SFTPC: variants seen among roughly 807,000 people sequenced by gnomAD.
SFTPC encodes BRICHOS domain containing 6.
SFTPC carries 12 observed loss-of-function variants against 19.9 expected under a neutral mutation model. The ratio of observed to expected loss-of-function variants is 0.60; its 90% CI spans 0.39 to 0.98. SFTPC has a LOEUF of 0.98. Ranked by LOEUF, SFTPC falls within the 50% of genes least tolerant of loss-of-function variation. The probability of loss-of-function intolerance (pLI) is 0.00; values close to 1 mark genes in which losing one functional copy is unlikely to be tolerated. For synonymous variants in SFTPC, 123 were observed against 103.3 expected, an observed-to-expected ratio of 1.19 and a Z score of -1.16; for missense variants, 219 against 252.2, an observed-to-expected ratio of 0.87 and a Z score of 0.89.
chr8:22,163,238 T>C (rs1475491465), intron 3 of SFTPC, 36 bp downstream of exon 3: 2 of 1,614,008 alleles, frequency 1.2e-6, no homozygotes, highest in Admixed American at 1.7e-5. Flanking sequence ...CTGGGACCAA[T>C]GACAAGGCTC....
In SFTPC at chr8:22,163,921, G is replaced by C. The variant is rs373783536; in HGVS notation, c.456G>C (p.Thr152=). 1.2e-6 allele frequency: 2 copies of C among 1,613,940 alleles called. No homozygotes were observed. The highest frequency in any genetic ancestry group is 1.3e-5 in the African/African-American group (1 of 75,084). Residue 152 remains threonine (T), a synonymous_variant, in exon 5 of 6, where the codon ACG becomes ACC. Coordinates refer to ENST00000679463, the MANE Select transcript of SFTPC (RefSeq NM_001317778.2). ...HNFQAKPAVP[T]SKLGQAEGRD... ...TGCAGGCCAAGCCCGCAGTGCCTAC[G>C]TCTAAGCTGGGCCAGGCAGAGGGGC...
upstream of SFTPC, among the ~76,000 whole-genome samples, chr8:22,160,443 T>A (rs1827670193): frequency 6.6e-6 from 1 of 152,126 alleles, no homozygotes; most frequent in Non-Finnish European, 1.5e-5. Flanking sequence ...AAAACTCATC[T>A]CTATAAAACA....
chr8:22,162,633 A>T lies in SFTPC; in HGVS notation c.102A>T (p.Lys34Asn). The T allele has an allele frequency of 1.2e-6, 2 of 1,614,140 alleles. No homozygotes were observed. Among genetic ancestry groups the T allele is most frequent in the Non-Finnish European group, 1.7e-6 (2 of 1,180,008 alleles). The change falls in exon 2 of 6, where the codon AAA (lysine) becomes AAT (asparagine). Residue 34 changes from lysine (K) to asparagine (N), a missense_variant. Coordinates refer to ENST00000679463, the MANE Select transcript of SFTPC (RefSeq NM_001317778.2). ...FGIPCCPVHLKRLLIVVVVVV... is the reference protein window; with the variant it reads ...FGIPCCPVHLNRLLIVVVVVV... ...TTCCCTGCTGCCCAGTGCACCTGAA[A>T]CGCCTTCTTATCGTGGTGGTGGTGG... is the stretch of plus-strand genomic sequence containing the variant.
upstream of SFTPC, among the ~76,000 whole-genome samples, chr8:22,160,660 G>A (rs998117399): frequency 1.9e-4 from 29 of 152,098 alleles, 1 homozygote; most frequent in Non-Finnish European, 2.2e-4. Flanking sequence ...TTAAGGGAGC[G>A]AGCCCAGGCC....
intron 1 of SFTPC, 55 bp from the exon 2 acceptor site, chr8:22,162,519 G>A (rs1827782430): frequency 6.3e-7 from 1 of 1,595,698 alleles, no homozygotes; most frequent in Non-Finnish European, 8.6e-7. Flanking sequence ...ATAGGGAGAA[G>A]AGGGGACAGC....
At chr8:22,161,792 G>A, upstream of SFTPC, 3 of 1,614,046 alleles carry the variant, frequency 1.9e-6, no homozygotes, top group Non-Finnish European at 1.7e-6. Flanking sequence ...GTCACACCTG[G>A]GAGAGGAGGA....
At chr8:22,161,482 G>C (rs148549260), upstream of SFTPC, among the ~76,000 whole-genome samples, 1 of 152,164 alleles carries the variant, frequency 6.6e-6, no homozygotes, top group South Asian at 2.1e-4. Context: ...GAAAGCCACA[G>C]GGCAGCAGGG....
Position 22,164,278 on chromosome 8 carries a change from C to G in SFTPC, c.*31C>G, listed in dbSNP as rs1214855842. ...CTTTGCTTCACAGGGTCAGTGGAAG[C>G]CCCAACGGGAAAGGAAACGCCCCGG... is the stretch of plus-strand genomic sequence containing the variant. On this transcript the variant is annotated 3_prime_UTR_variant, in exon 6 of 6. Transcript: ENST00000679463. 3.9e-6 allele frequency: 6 copies of G among 1,536,090 alleles called. No homozygotes were observed. Among genetic ancestry groups the G allele is most frequent in the Non-Finnish European group, 5.2e-6 (6 of 1,146,912 alleles).
upstream of SFTPC, chr8:22,159,912 C>T (rs1827647008): frequency 3.5e-6 from 4 of 1,135,228 alleles, no homozygotes; most frequent in Non-Finnish European, 4.7e-6. Flanking sequence ...GAGTAAGGGC[C>T]CTGGGGGAGG....
upstream of SFTPC, chr8:22,161,795 G>T (rs756372282): frequency 1.2e-6 from 2 of 1,614,072 alleles, no homozygotes; most frequent in Non-Finnish European, 1.7e-6. Context: ...ACACCTGGGA[G>T]AGGAGGAGAG....
upstream of SFTPC, chr8:22,161,704 C>T: frequency 6.2e-7 from 1 of 1,608,862 alleles, no homozygotes; most frequent in Non-Finnish European, 8.5e-7. Flanking sequence ...GGCTTCAAAG[C>T]CAAGGGCTTG....
upstream of SFTPC, chr8:22,161,539 T>G: frequency 3.1e-6 from 2 of 645,042 alleles, no homozygotes; most frequent in Non-Finnish European, 5.0e-6. Context: ...ACACCCATGG[T>G]GAGAAGTGCA....
rs370825102 is a variant in SFTPC, at chr8:22,163,181, C to T, written c.303C>T (p.Leu101=). ...CCTTCTCCATCGGCTCCACTGGCCT[C>T]GTGGTGTATGACTACCAGCAGGTGG... is the stretch of plus-strand genomic sequence containing the variant. The part of the protein sequence containing the change: ...TATFSIGSTG[L]VVYDYQQLLI... The change falls in exon 3 of 6, where the codon CTC becomes CTT. Residue 101 remains leucine (L), a synonymous_variant. Transcript: ENST00000679463. The T allele has an allele frequency of 5.6e-6, 9 of 1,614,174 alleles. No homozygotes were observed. In the East Asian group the frequency reaches 6.7e-5, roughly 12 times the overall value.
intron 4 of SFTPC, 98 bp downstream of exon 4, chr8:22,163,644 T>C (rs1242454472): frequency 3.3e-6 from 3 of 900,160 alleles, no homozygotes; most frequent in Non-Finnish European, 5.5e-6. Flanking sequence ...AAAGCACTGT[T>C]CCTCATTGGC....
At chr8:22,160,437 C>G (rs1827669869), upstream of SFTPC, among the ~76,000 whole-genome samples, 1 of 152,172 alleles carries the variant, frequency 6.6e-6, no homozygotes, top group African/African-American at 2.4e-5. Flanking sequence ...ATGGTGAAAA[C>G]TCATCTCTAT....
chr8:22,161,053 T>C (rs190806001), upstream of SFTPC, among the ~76,000 whole-genome samples: 1 of 152,048 alleles, frequency 6.6e-6, no homozygotes, highest in African/African-American at 2.4e-5. Context: ...AAGAAAGCAG[T>C]GTCAGACCTG....
At chr8:22,163,399 A>C (rs368155404) in intron 3 of SFTPC, 37 bp from the exon 4 acceptor site, 4 of 1,576,026 alleles carry the variant, frequency 2.5e-6, no homozygotes, top group Non-Finnish European at 3.5e-6. Flanking sequence ...AGAGCAGGGC[A>C]GGGACCCCCG....
At chr8:22,158,591 G>A (rs935000555), upstream of SFTPC, 3 of 152,216 alleles carry the variant, frequency 2.0e-5, no homozygotes, top group African/African-American at 7.2e-5. Context: ...GCTAGTGAGA[G>A]GTCCCCTAGA....
At chr8:22,163,403 A>AC (rs1486725850) in intron 3 of SFTPC, 33 bp from the exon 4 acceptor site, 1 of 1,581,266 alleles carries the variant, frequency 6.3e-7, no homozygotes, top group Admixed American at 1.7e-5. Flanking sequence ...CAGGGCAGGG[A>AC]CCCCCGAATG....
Sources: gnomAD v4.1 joint callset for allele counts (sites outside exome capture counted in the v4.1 genomes callset) on GRCh38, gnomAD v4.1.1 for gene constraint, MANE v1.5 for transcripts, NCBI Gene and HGNC (gene_info 2026-07-23, HGNC 2026-07-21) for gene names.